Variants in ATXN7L1 observed in about 807,000 individuals in gnomAD.
ATXN7L1 encodes the protein ataxin 7 like 1, also known as ataxin-7-like protein 1.
A neutral mutation model predicts 70.8 loss-of-function variants in ATXN7L1; 15 were observed. The observed-to-expected ratio is 0.21, with a 90% CI of 0.14 to 0.33. The LOEUF is 0.33. Among genes scored for constraint, ATXN7L1 ranks in the 10% least tolerant of loss-of-function variants. ATXN7L1 has a pLI of 1.00. For synonymous variants in ATXN7L1, 440 were observed against 445.1 expected (o/e 0.99, Z 0.14); for missense variants, 975 against 1,097.1 (o/e 0.89, Z 1.57).
At chr7:105,659,884 C>CTT (rs1051574520) in intron 4 of ATXN7L1, among the ~76,000 whole-genome samples, 1 of 147,388 alleles carries the variant, frequency 6.8e-6, no homozygotes, top group Non-Finnish European at 1.5e-5. Flanking sequence ...TTTTCTCTTT[C>CTT]TTTTTTTTTT....
chr7:105,692,098 C>G (rs369628135), intron 3 of ATXN7L1, among the ~76,000 whole-genome samples: 1 of 151,840 alleles, frequency 6.6e-6, no homozygotes, highest in South Asian at 2.1e-4. Context: ...ATATTGGCAG[C>G]TGAAGGACAG....
intron 2 of ATXN7L1, among the ~76,000 whole-genome samples, chr7:105,842,221 T>G (rs1813325724): frequency 6.6e-6 from 1 of 152,104 alleles, no homozygotes; most frequent in African/African-American, 2.4e-5. Context: ...AAATTTTTAT[T>G]GAGGTAAAAT....
chr7:105,614,376 G>A lies in ATXN7L1; in HGVS notation c.1958C>T (p.Ser653Phe). ...KKRKPQSSTSSSSSSSSSSLQ... is the reference protein window; with the variant it reads ...KKRKPQSSTSFSSSSSSSSLQ... Reference sequence around the variant, plus strand: ...GGAAGAGGAGGAGGAGGAGGAGGAGGAGGAAGTCGAAGACTGTGGCTTCCT... The same window carrying A: ...GGAAGAGGAGGAGGAGGAGGAGGAGAAGGAAGTCGAAGACTGTGGCTTCCT... The change falls in exon 10 of 12, where the codon TCC (serine) becomes TTC (phenylalanine). Residue 653 changes from serine to phenylalanine, a missense_variant. Ser to Phe is a radical substitution (Grantham distance 155). This residue lies in a region of ATXN7L1 where 635 missense variants were observed against 699.4 expected (regional missense o/e 0.91). Coordinates refer to ENST00000419735, the MANE Select transcript of ATXN7L1 (RefSeq NM_020725.2). The surrounding 1 kb of genome is among the most constrained non-coding windows in gnomAD (Gnocchi z 4.3). 1 of 1,552,436 alleles carries A rather than the reference G, an allele frequency of 6.4e-7. No individual in the cohort carries two copies. Among genetic ancestry groups the A allele is most frequent in the Non-Finnish European group, 8.7e-7 (1 of 1,147,150 alleles).
At chr7:105,836,373 CA>C (rs1812388094) in intron 2 of ATXN7L1, among the ~76,000 whole-genome samples, 1 of 151,892 alleles carries the variant, frequency 6.6e-6, no homozygotes, top group Non-Finnish European at 1.5e-5. Context: ...CAAAATGACC[CA>C]AAGATCAGAA....
At chr7:105,720,983 C>T (rs1795116944) in intron 3 of ATXN7L1, among the ~76,000 whole-genome samples, 2 of 152,322 alleles carry the variant, frequency 1.3e-5, no homozygotes, top group Non-Finnish European at 2.9e-5. Flanking sequence ...TTTCCCTCAG[C>T]ACCACACATG....
chr7:105,639,272 G>GTTTT, intron 6 of ATXN7L1, among the ~76,000 whole-genome samples: 1 of 128,064 alleles, frequency 7.8e-6, no homozygotes, highest in East Asian at 2.2e-4. Context: ...GGGAAGCCTA[G>GTTTT]TTTTTTTTTT....
rs1554457177 is a variant in ATXN7L1 at position 105,771,201 on chromosome 7, G to GATGATAATAATA, written c.355+17402_355+17403insTATTATTATCAT. 6.5e-5 allele frequency among the ~76,000 whole-genome samples: 9 copies of GATGATAATAATA among 139,248 alleles called. No homozygotes were observed. The South Asian group carries it at 1.4e-3, about 22-fold the overall frequency. The allele number at this position is 139,248 out of a possible 152,430, so 91.4% of individuals were successfully genotyped here. A position where few individuals can be genotyped will look rare whatever the true frequency, so the allele number is the denominator to read the frequency against. The stretch of plus-strand genomic sequence containing the variant: ...GGCGACAGAGCAAGACTCCGTCTCT[G>GATGATAATAATA]ATAATAATAATAATAATAATAATAA... On this transcript the variant is annotated intron_variant, in intron 3 of 11. Transcript: ENST00000419735.
intron 7 of ATXN7L1, among the ~76,000 whole-genome samples, chr7:105,635,846 T>A (rs1797276431): frequency 1.4e-5 from 2 of 141,100 alleles, no homozygotes; most frequent in South Asian, 4.2e-4. Context: ...GTGCGATAGT[T>A]TTTTTTTTTT....
chr7:105,679,816 A>G (rs912851289), intron 3 of ATXN7L1, among the ~76,000 whole-genome samples: 1 of 152,106 alleles, frequency 6.6e-6, no homozygotes, highest in Non-Finnish European at 1.5e-5. Context: ...TAATGGGCAC[A>G]GGGTCTTCTT....
intron 3 of ATXN7L1, among the ~76,000 whole-genome samples, chr7:105,699,217 C>CAATCTCGGCTCACTGCTATCTG (rs1792132198): frequency 6.6e-6 from 1 of 151,914 alleles, no homozygotes; most frequent in Admixed American, 6.6e-5. Context: ...ACTGCTATCT[C>CAATCTCGGCTCACTGCTATCTG]TGCCTCCCAG....
chr7:105,701,533 G>A (rs1792455339), intron 3 of ATXN7L1, among the ~76,000 whole-genome samples: 1 of 151,814 alleles, frequency 6.6e-6, no homozygotes, highest in African/African-American at 2.4e-5. Context: ...TAAGAACAAA[G>A]GCAATTTTAA....
chr7:105,663,313 G>T (rs1016703949), intron 4 of ATXN7L1, among the ~76,000 whole-genome samples: 1 of 152,116 alleles, frequency 6.6e-6, no homozygotes, highest in Admixed American at 6.5e-5. Context: ...TGTGTGGCAG[G>T]TAACTCCTCC....
chr7:105,806,029 G>A (rs1195124718), intron 2 of ATXN7L1, among the ~76,000 whole-genome samples: 4 of 152,186 alleles, frequency 2.6e-5, no homozygotes, highest in Non-Finnish European at 5.9e-5. Context: ...TGGGGCTGCA[G>A]GGACAGAGAG....
chr7:105,818,523 G>A (rs949128810), intron 2 of ATXN7L1, among the ~76,000 whole-genome samples: 1 of 152,144 alleles, frequency 6.6e-6, no homozygotes, highest in Non-Finnish European at 1.5e-5. Flanking sequence ...GAAAGAAAAC[G>A]ACTCTTTCAG....
chr7:105,664,386 A>T (rs1382426561), intron 4 of ATXN7L1, among the ~76,000 whole-genome samples: 2 of 151,374 alleles, frequency 1.3e-5, no homozygotes, highest in African/African-American at 4.9e-5. Flanking sequence ...CAAGAGAATT[A>T]AAAAAATCCC....
chr7:105,692,366 T>TTTCTTTCC (rs1386240677), intron 3 of ATXN7L1, among the ~76,000 whole-genome samples: 32 of 120,868 alleles, frequency 2.6e-4, no homozygotes, highest in African/African-American at 9.6e-4. Context: ...GATGAATTTC[T>TTTCTTTCC]TTCTTTCCTT....
chr7:105,804,735 T>TA (rs1807313383), intron 2 of ATXN7L1, among the ~76,000 whole-genome samples: 1 of 152,200 alleles, frequency 6.6e-6, no homozygotes, highest in African/African-American at 2.4e-5. Flanking sequence ...ATTGTTTCAT[T>TA]GAATCCTCAC....
chr7:105,673,791 C>A (rs1034283247), intron 3 of ATXN7L1, among the ~76,000 whole-genome samples: 1 of 152,190 alleles, frequency 6.6e-6, no homozygotes, highest in Non-Finnish European at 1.5e-5. Flanking sequence ...GAGAAACTTG[C>A]CCAAAGTCAT....
chr7:105,704,858 C>A (rs1312860328), intron 3 of ATXN7L1, among the ~76,000 whole-genome samples: 10 of 151,562 alleles, frequency 6.6e-5, no homozygotes, highest in Admixed American at 3.3e-4. Context: ...TGATCTGCCC[C>A]CCTTGGCCTC....
Sources: gnomAD v4.1 joint callset for allele counts (sites outside exome capture counted in the v4.1 genomes callset) on GRCh38, gnomAD v4.1.1 for gene constraint, gnomAD v4.1.1 regional missense constraint, Gnocchi (gnomAD v3.1) non-coding constraint, MANE v1.5 for transcripts, NCBI Gene and HGNC (gene_info 2026-07-23, HGNC 2026-07-21) for gene names.